Variants in PTGER3 observed in about 807,000 individuals in gnomAD.
PTGER3 encodes prostaglandin E receptor 3.
In PTGER3, 22 loss-of-function variants were observed where a neutral mutation model predicts 34.7. The observed-to-expected ratio is 0.63, with a 90% CI of 0.45 to 0.91. The LOEUF is 0.91. Among genes scored for constraint, PTGER3 ranks in the 40% least tolerant of loss-of-function variants. The pLI, the probability that PTGER3 is intolerant of heterozygous loss-of-function variation, is 0.00. For missense variants in PTGER3, 468 were observed against 519.4 expected (o/e 0.90, Z 0.96); for synonymous variants, 241 against 230.1 (o/e 1.05, Z -0.43).
chr1:70,920,544 CCT>C (rs1351434262), intron 4 of PTGER3, among the ~76,000 whole-genome samples: 1 of 152,122 alleles, frequency 6.6e-6, no homozygotes, highest in East Asian at 1.9e-4. Context: ...TACTTTGTTT[CCT>C]CTCTAGATTA....
intron 4 of PTGER3, among the ~76,000 whole-genome samples, chr1:70,871,244 A>G (rs1646156309): frequency 6.6e-6 from 1 of 152,176 alleles, no homozygotes; most frequent in Non-Finnish European, 1.5e-5. Context: ...TAACAAAAGC[A>G]AGAGCAAGAG....
At chr1:71,007,118 T>C in intron 2 of PTGER3, 3 of 985,152 alleles carry the variant, frequency 3.0e-6, no homozygotes, top group African/African-American at 3.5e-5. Flanking sequence ...TAATCAAGTA[T>C]ATAGAGATGG....
intron 2 of PTGER3, chr1:71,009,197 G>C (rs935714569): frequency 9.1e-6 from 9 of 985,118 alleles, no homozygotes; most frequent in Non-Finnish European, 1.1e-5. Flanking sequence ...TTAAAATACT[G>C]TTTGCCAGTT....
intron 4 of PTGER3, among the ~76,000 whole-genome samples, chr1:70,908,577 C>T (rs1293758813): frequency 6.6e-6 from 1 of 152,156 alleles, no homozygotes; most frequent in African/African-American, 2.4e-5. Flanking sequence ...TTTCACTTTC[C>T]CATTCCCCTG....
At chr1:71,009,885 C>T in intron 2 of PTGER3, 5 of 985,244 alleles carry the variant, frequency 5.1e-6, no homozygotes, top group Non-Finnish European at 6.0e-6. Context: ...AGTCTCTGTA[C>T]ATCTCTGAAA....
intron 4 of PTGER3, among the ~76,000 whole-genome samples, chr1:70,896,563 C>G (rs1646725477): frequency 1.3e-5 from 2 of 152,188 alleles, no homozygotes; most frequent in Admixed American, 6.5e-5. Flanking sequence ...CATTCAGCCT[C>G]CCAGCTTGTG....
chr1:70,916,376 C>T (rs903248435), intron 4 of PTGER3, among the ~76,000 whole-genome samples: 1 of 152,062 alleles, frequency 6.6e-6, no homozygotes, highest in Non-Finnish European at 1.5e-5. Flanking sequence ...AATCCCATTA[C>T]TGGGTACATA....
intron 4 of PTGER3, among the ~76,000 whole-genome samples, chr1:70,886,885 TG>T (rs1646509747): frequency 1.3e-5 from 2 of 152,200 alleles, no homozygotes; most frequent in South Asian, 4.1e-4. Context: ...GATCAAGGTT[TG>T]TTTGACCCCA....
intron 1 of PTGER3, among the ~76,000 whole-genome samples, chr1:71,042,562 T>C (rs1660408911): frequency 6.6e-6 from 1 of 152,210 alleles, no homozygotes; most frequent in African/African-American, 2.4e-5. Context: ...AGAATATTTT[T>C]CCTACAATGT....
At chr1:70,876,003 G>C (rs1187456986) in intron 4 of PTGER3, among the ~76,000 whole-genome samples, 1 of 152,000 alleles carries the variant, frequency 6.6e-6, no homozygotes, top group Non-Finnish European at 1.5e-5. Context: ...AAGTTCTTTG[G>C]GGAATCACTG....
At chr1:70,981,047 G>A (rs1258385606) in intron 2 of PTGER3, among the ~76,000 whole-genome samples, 2 of 152,024 alleles carry the variant, frequency 1.3e-5, no homozygotes, top group Non-Finnish European at 2.9e-5. Context: ...TTAAGCTAAG[G>A]AATTATATTG....
intron 1 of PTGER3, among the ~76,000 whole-genome samples, chr1:71,037,343 C>G (rs1297279395): frequency 6.6e-6 from 1 of 152,204 alleles, no homozygotes; most frequent in Non-Finnish European, 1.5e-5. Flanking sequence ...AGATTGCATA[C>G]TGCTCAACTC....
chr1:70,967,325 T>A (rs1202463010), downstream of PTGER3, among the ~76,000 whole-genome samples: 1 of 152,154 alleles, frequency 6.6e-6, no homozygotes, highest in Non-Finnish European at 1.5e-5. Flanking sequence ...GAGCAATTTC[T>A]ATGTGCTTAG....
chr1:70,859,248 T>C (rs895805107), intron 4 of PTGER3, among the ~76,000 whole-genome samples: 1 of 152,242 alleles, frequency 6.6e-6, no homozygotes, highest in Admixed American at 6.5e-5. Context: ...AAATAATTAA[T>C]TTTGAGCATT....
At chr1:70,868,230 C>T (rs2100524727) in intron 4 of PTGER3, among the ~76,000 whole-genome samples, 1 of 152,200 alleles carries the variant, frequency 6.6e-6, no homozygotes, top group Non-Finnish European at 1.5e-5. Context: ...ACTCAAACCT[C>T]ACCTCCTCTG....
intron 2 of PTGER3, chr1:70,998,428 C>T (rs950385763): frequency 6.6e-6 from 1 of 152,174 alleles, no homozygotes; most frequent in Non-Finnish European, 1.5e-5. Context: ...ATGAGAGAAT[C>T]TGAAATCTGA....
At chr1:70,905,268 A>C (rs1646920606) in intron 4 of PTGER3, among the ~76,000 whole-genome samples, 1 of 152,088 alleles carries the variant, frequency 6.6e-6, no homozygotes, top group South Asian at 2.1e-4. Context: ...GCAGTGCAGA[A>C]GGGAAACGTG....
intron 4 of PTGER3, among the ~76,000 whole-genome samples, chr1:70,907,032 G>A (rs979192391): frequency 2.0e-5 from 3 of 152,124 alleles, no homozygotes; most frequent in African/African-American, 7.2e-5. Flanking sequence ...AGTGTTTCCT[G>A]TCTTAGCAAG....
In PTGER3 at chr1:71,047,387, A is replaced by G; in HGVS notation, c.191T>C (p.Val64Ala). The change falls in exon 1 of 4, where the codon GTG (valine) becomes GCG (alanine). Residue 64 changes from valine (V) to alanine (A), a missense_variant. By Grantham distance (64) the Val-to-Ala change is moderately conservative. Coordinates refer to ENST00000306666, the MANE Select transcript of PTGER3 (RefSeq NM_198719.2). ...GAGCAGCATGGCCAGTGCGTTGCCC[A>G]CGAAACCAGTGAGCAGCATGGTGAT... ...FPITMLLTGF[V>A]GNALAMLLVS... 6.2e-7 allele frequency: 1 copy of G among 1,611,560 alleles called. No individual in the cohort carries two copies.
Sources: allele counts gnomAD v4.1 joint callset (sites outside exome capture counted in the v4.1 genomes callset), GRCh38; gene constraint gnomAD v4.1.1; transcripts MANE v1.5; gene names NCBI Gene and HGNC (gene_info 2026-07-23, HGNC 2026-07-21).